The following ECHDC1 variants were observed in gnomAD, a reference collection of about 807,000 sequenced individuals.
The protein encoded by ECHDC1 is ethylmalonyl-CoA decarboxylase 1.
ECHDC1 carries 29 observed loss-of-function variants against 29.7 expected under a neutral mutation model. The ratio of observed to expected loss-of-function variants is 0.98; its 90% confidence interval spans 0.73 to 1.33. The LOEUF is 1.33. Ranked by LOEUF, ECHDC1 falls within the 40% of genes most tolerant of loss-of-function variation. The pLI, the probability that ECHDC1 is intolerant of heterozygous loss-of-function variation, is 0.00. For synonymous variants in ECHDC1, 126 were observed against 123.1 expected (o/e 1.02, Z -0.15); for missense variants, 328 against 350.0 (o/e 0.94, Z 0.50).
intron 5 of ECHDC1, among the ~76,000 whole-genome samples, chr6:127,296,974 C>G (rs935146576): frequency 6.6e-6 from 1 of 151,710 alleles, no homozygotes; most frequent in Non-Finnish European, 1.5e-5. Flanking sequence ...CACTATACAC[C>G]CCAGCCTGGG....
chr6:127,303,108 G>A (rs1781179802), intron 5 of ECHDC1, among the ~76,000 whole-genome samples: 1 of 151,956 alleles, frequency 6.6e-6, no homozygotes, highest in Admixed American at 6.6e-5. Flanking sequence ...CTGATGAATT[G>A]AAACCTGAGT....
chr6:127,320,420 C>T (rs568397910), intron 3 of ECHDC1, among the ~76,000 whole-genome samples: 128 of 152,018 alleles, frequency 8.4e-4, no homozygotes, highest in African/African-American at 3.0e-3. Flanking sequence ...CAACAGAGAT[C>T]GAAGGAACAA....
intron 4 of ECHDC1, chr6:127,316,126 A>C: frequency 2.1e-6 from 1 of 475,008 alleles, no homozygotes; most frequent in Non-Finnish European, 4.3e-6. Context: ...TGTCTTGATC[A>C]GTGTCTTTAT....
At chr6:127,317,994 G>GC (rs1782537932) in intron 3 of ECHDC1, 1 of 152,246 alleles carries the variant, frequency 6.6e-6, no homozygotes, top group Non-Finnish European at 1.5e-5. Flanking sequence ...CTTCCTAACT[G>GC]ATTTCTGTAT....
At chr6:127,292,067 C>T (rs1385094609) in intron 5 of ECHDC1, among the ~76,000 whole-genome samples, 2 of 151,832 alleles carry the variant, frequency 1.3e-5, no homozygotes, top group Non-Finnish European at 2.9e-5. Context: ...GGAATATTGT[C>T]AATATTGAAC....
intron 5 of ECHDC1, among the ~76,000 whole-genome samples, chr6:127,300,216 TAG>T (rs1444305602): frequency 6.6e-6 from 1 of 152,178 alleles, no homozygotes; most frequent in Non-Finnish European, 1.5e-5. Flanking sequence ...AAAATTAACT[TAG>T]AGTAACAAAG....
intron 3 of ECHDC1, among the ~76,000 whole-genome samples, chr6:127,320,131 C>T (rs944996522): frequency 6.6e-6 from 1 of 152,166 alleles, no homozygotes; most frequent in African/African-American, 2.4e-5. Context: ...GATTCTCCTG[C>T]CTCAGCCTTC....
chr6:127,319,180 C>T (rs1208434841), intron 3 of ECHDC1, among the ~76,000 whole-genome samples: 2 of 152,098 alleles, frequency 1.3e-5, no homozygotes, highest in African/African-American at 2.4e-5. Context: ...ATGAAGTAAA[C>T]GGTTAGGAGC....
At position 127,303,310 on chromosome 6, in the gene ECHDC1, A is replaced by C. The variant is rs181200883; in HGVS notation, c.497+11506T>G. 6.1e-4 allele frequency among the ~76,000 whole-genome samples: 93 copies of C among 152,258 alleles called. 1 individual carries two copies. The highest frequency in any genetic ancestry group is 1.1e-3 in the Non-Finnish European group (72 of 68,020). The stretch of plus-strand genomic sequence containing the variant: ...GGAAAGCAAGAAAGTAATTACCATA[A>C]AATTCAGGGTAAAAGCCAAGTTGTG... On this transcript the variant is annotated intron_variant, in intron 5 of 5. Coordinates refer to ENST00000454859, the MANE Select transcript of ECHDC1 (RefSeq NM_001002030.2).
At chr6:127,296,191 T>G (rs2114559564) in intron 5 of ECHDC1, among the ~76,000 whole-genome samples, 1 of 152,284 alleles carries the variant, frequency 6.6e-6, no homozygotes, top group Admixed American at 6.5e-5. Flanking sequence ...CTTTTGTGTG[T>G]GTGTGTCTGT....
intron 5 of ECHDC1, among the ~76,000 whole-genome samples, chr6:127,297,573 C>A (rs564426641): frequency 6.6e-6 from 1 of 152,106 alleles, no homozygotes; most frequent in South Asian, 2.1e-4. Context: ...AACAGAGAAG[C>A]CTTTTTTCCT....
intron 5 of ECHDC1, among the ~76,000 whole-genome samples, chr6:127,306,410 C>G (rs1386696153): frequency 6.6e-6 from 1 of 152,096 alleles, no homozygotes; most frequent in Non-Finnish European, 1.5e-5. Flanking sequence ...GGTCCTCACC[C>G]AAATCTCATG....
intron 1 of ECHDC1, among the ~76,000 whole-genome samples, chr6:127,336,075 C>A (rs1320556527): frequency 6.6e-6 from 1 of 151,980 alleles, no homozygotes; most frequent in Non-Finnish European, 1.5e-5. Flanking sequence ...AGGTACCCTG[C>A]AAGATTTTTA....
At chr6:127,333,131 G>A (rs1784114851) in intron 1 of ECHDC1, among the ~76,000 whole-genome samples, 1 of 152,122 alleles carries the variant, frequency 6.6e-6, no homozygotes, top group South Asian at 2.1e-4. Context: ...ATGAACATAA[G>A]CTATCGGTTT....
At chr6:127,336,397 C>T (rs1239762586) in intron 1 of ECHDC1, among the ~76,000 whole-genome samples, 2 of 152,028 alleles carry the variant, frequency 1.3e-5, no homozygotes, top group Non-Finnish European at 2.9e-5. Flanking sequence ...ATATTATTCC[C>T]CATATTTAAC....
intron 5 of ECHDC1, among the ~76,000 whole-genome samples, chr6:127,304,469 C>T (rs944541816): frequency 1.3e-5 from 2 of 152,078 alleles, no homozygotes; most frequent in Admixed American, 1.3e-4. Flanking sequence ...TAATAAATAC[C>T]TAATTCTTCA....
chr6:127,325,691 T>C (rs1037985784), intron 3 of ECHDC1, among the ~76,000 whole-genome samples: 8 of 125,400 alleles, frequency 6.4e-5, no homozygotes, highest in African/African-American at 2.4e-4. Context: ...ATTCCAGTCC[T>C]GGCTTCTCTG....
chr6:127,302,847 T>C (rs963143666), intron 5 of ECHDC1, among the ~76,000 whole-genome samples: 3 of 152,346 alleles, frequency 2.0e-5, no homozygotes, highest in East Asian at 1.9e-4. Context: ...TTTAGTCTCA[T>C]ATCAAGCATA....
intron 5 of ECHDC1, among the ~76,000 whole-genome samples, chr6:127,309,118 T>C (rs912017307): frequency 1.3e-5 from 2 of 152,106 alleles, no homozygotes; most frequent in South Asian, 2.1e-4. Flanking sequence ...AAAATTTATA[T>C]GGAACCACAA....
Sources: gnomAD v4.1 joint callset for allele counts (sites outside exome capture counted in the v4.1 genomes callset) on GRCh38, gnomAD v4.1.1 for gene constraint, MANE v1.5 for transcripts, NCBI Gene and HGNC (gene_info 2026-07-23, HGNC 2026-07-21) for gene names.